TTLL12: variants seen among roughly 807,000 people sequenced by gnomAD.
TTLL12 encodes tubulin tyrosine ligase like 12, also known as tubulin--tyrosine ligase-like protein 12.
In TTLL12, 77 loss-of-function variants were observed where a neutral mutation model predicts 79.6. The ratio of observed to expected loss-of-function variants is 0.97; its 90% confidence interval spans 0.81 to 1.17. TTLL12 has a LOEUF of 1.17. Ranked by LOEUF, TTLL12 falls within the 50% of genes most tolerant of loss-of-function variation. TTLL12 has a pLI of 0.00. For synonymous variants in TTLL12, 437 were observed against 376.1 expected (o/e 1.16, Z -1.87); for missense variants, 969 against 895.9 (o/e 1.08, Z -1.04).
At chr22:43,171,648 G>T in intron 11 of TTLL12, 171 bp downstream of exon 11, 1 of 586,640 alleles carries the variant, frequency 1.7e-6, no homozygotes, top group Non-Finnish European at 3.1e-6. Context: ...ACAGAACCCA[G>T]CCTGGCTCAT....
At chr22:43,176,195 A>G in intron 6 of TTLL12, 125 bp downstream of exon 6, 2 of 711,490 alleles carry the variant, frequency 2.8e-6, no homozygotes, top group Non-Finnish European at 5.0e-6. Context: ...GTGCCCAGAC[A>G]GGATGCGGCT....
chr22:43,181,070 A>G, intron 2 of TTLL12, 130 bp from the exon 3 acceptor site: 1 of 1,069,324 alleles, frequency 9.4e-7, no homozygotes, highest in South Asian at 1.6e-5. Context: ...ACTGGGTGCC[A>G]TAGTTATGCC....
At chr22:43,174,443 C>G (rs201841129) in intron 7 of TTLL12, 40 bp from the exon 8 acceptor site, 1 of 1,566,386 alleles carries the variant, frequency 6.4e-7, no homozygotes. Flanking sequence ...AAGGGGAGGC[C>G]GGCAGTGCCT....
intron 1 of TTLL12, among the ~76,000 whole-genome samples, chr22:43,184,110 G>A (rs528068214): frequency 6.6e-6 from 1 of 152,234 alleles, no homozygotes; most frequent in East Asian, 1.9e-4. Context: ...GTGAGAGGGG[G>A]TGTCATCCAC....
At chr22:43,180,645 C>T in intron 3 of TTLL12, 97 bp downstream of exon 3, 4 of 1,376,466 alleles carry the variant, frequency 2.9e-6, no homozygotes, top group Non-Finnish European at 4.0e-6. Context: ...GAGTTGCTTG[C>T]TCTGGCCGGC....
At chr22:43,175,363 C>T (rs1284425609) in intron 6 of TTLL12, 2 of 152,304 alleles carry the variant, frequency 1.3e-5, no homozygotes, top group Non-Finnish European at 2.9e-5. Flanking sequence ...GGGAGGGGCC[C>T]CTACTGGCAG....
At chr22:43,172,714 T>C (rs1408782928) in intron 9 of TTLL12, among the ~76,000 whole-genome samples, 160 bp from the exon 10 acceptor site, 1 of 152,018 alleles carries the variant, frequency 6.6e-6, no homozygotes, top group Non-Finnish European at 1.5e-5. Flanking sequence ...TTTTTTTTTT[T>C]TGAGACAGAG....
intron 1 of TTLL12, among the ~76,000 whole-genome samples, chr22:43,185,298 T>C (rs959589094): frequency 6.6e-5 from 7 of 106,462 alleles, no homozygotes; most frequent in Non-Finnish European, 1.2e-4. Context: ...TATATATATA[T>C]ATGTATGTAT....
Position 43,174,202 on chromosome 22 carries a change from G to A in TTLL12, c.1229+7C>T, listed in dbSNP as rs368262313. ...TGGAGCACACCGATGCCGTGTCTGGGACTTACCACCTTTCCCGCTGCTGGA... is the reference window on the plus strand; with the variant it reads ...TGGAGCACACCGATGCCGTGTCTGGAACTTACCACCTTTCCCGCTGCTGGA... On this transcript the variant is annotated splice_region_variant and intron_variant, in intron 8 of 13. Transcript: ENST00000216129. 4 of 1,600,106 alleles carry A rather than the reference G, an allele frequency of 2.5e-6. 1 individual carries two copies. In the Admixed American group the frequency reaches 5.0e-5, roughly 20 times the overall value.
Position 43,180,825 on chromosome 22 carries a change from C to T in TTLL12, c.463G>A (p.Gly155Ser), listed in dbSNP as rs138301138. 4.8e-5 allele frequency: 77 copies of T among 1,613,176 alleles called. No homozygotes were observed. The highest frequency in any genetic ancestry group is 1.1e-4 in the East Asian group (5 of 44,886). The change falls in exon 3 of 14, where the codon GGT (glycine) becomes AGT (serine). Residue 155 changes from glycine to serine, a missense_variant. Transcript: ENST00000216129. ...ACAGCCTCTGTACTGGGCAGCTCACCGTGGAACTCAATGCCCATCAGGTTG... is the reference window on the plus strand; with the variant it reads ...ACAGCCTCTGTACTGGGCAGCTCACTGTGGAACTCAATGCCCATCAGGTTG... ...MANLMGIEFH[G>S]ELPSTEAVAL...
At chr22:43,182,233 C>T (rs1465329253) in intron 2 of TTLL12, among the ~76,000 whole-genome samples, 1 of 152,238 alleles carries the variant, frequency 6.6e-6, no homozygotes, top group Admixed American at 6.5e-5. Context: ...CACAGGAGAA[C>T]TCACTTCACT....
At position 43,167,700 on chromosome 22, in the gene TTLL12, G is replaced by A. The variant is rs2147064446; in HGVS notation, c.*308C>T. On this transcript the variant is annotated 3_prime_UTR_variant, in exon 14 of 14. Coordinates refer to ENST00000216129, the MANE Select transcript of TTLL12 (RefSeq NM_015140.4). ...AGCCAGGAACAAATTCTCCATGCCAGGAACAAAGCCCTTGGCTAAACTGGA... is the reference window on the plus strand; with the variant it reads ...AGCCAGGAACAAATTCTCCATGCCAAGAACAAAGCCCTTGGCTAAACTGGA... The A allele has an allele frequency of 7.7e-6, 2 of 258,698 alleles. No individual in the cohort carries two copies. Among genetic ancestry groups the A allele is most frequent in the East Asian group, 1.7e-4 (2 of 11,786 alleles). The allele number at this position is 258,698 out of a possible 1,614,324, so 16.0% of individuals were successfully genotyped here. A position where few individuals can be genotyped will look rare whatever the true frequency, so the allele number is the denominator to read the frequency against.
At chr22:43,183,930 T>A (rs1178257737) in intron 1 of TTLL12, among the ~76,000 whole-genome samples, 1 of 152,234 alleles carries the variant, frequency 6.6e-6, no homozygotes, top group Admixed American at 6.5e-5. Context: ...TACTTAACTA[T>A]CCCATGCGTG....
chr22:43,176,904 G>T (rs75441074), intron 5 of TTLL12, among the ~76,000 whole-genome samples: 2 of 151,858 alleles, frequency 1.3e-5, no homozygotes, highest in African/African-American at 2.4e-5. Flanking sequence ...CTCGGATGCC[G>T]AACAGTCCTA....
In TTLL12 at chr22:43,172,391, C is replaced by A; in HGVS notation, c.1493+12G>T. 6.2e-7 allele frequency: 1 copy of A among 1,613,760 alleles called. No homozygotes were observed. Among genetic ancestry groups the A allele is most frequent in the African/African-American group, 1.3e-5 (1 of 75,060 alleles). On this transcript the variant is annotated intron_variant, in intron 10 of 13. Transcript: ENST00000216129. The stretch of plus-strand genomic sequence containing the variant: ...GCTCCCCGACCCTGGACCCAGCCGG[C>A]CCTCCACTTACCGGTTGGAGAACCG...
rs1024846750 is a variant in TTLL12, at chr22:43,168,112, C to T, written c.1831G>A (p.Asp611Asn). The T allele has an allele frequency of 4.3e-6, 7 of 1,614,008 alleles. No homozygotes were observed. Among genetic ancestry groups the T allele is most frequent in the East Asian group, 4.5e-5 (2 of 44,896 alleles). The change falls in exon 14 of 14, where the codon GAC (aspartate) becomes AAC (asparagine). Residue 611 changes from aspartate to asparagine, a missense_variant. By Grantham distance (23) the Asp-to-Asn change is conservative (BLOSUM62 1). Coordinates refer to ENST00000216129, the MANE Select transcript of TTLL12 (RefSeq NM_015140.4). ...TGGTACCTGCAGGCTCGCTCACAGT[C>T]GGGGTTGAAGTTCACCTCCAGGATC... ...PQILEVNFNP[D>N]CERACRYHPT...
At chr22:43,168,658 T>C (rs2147065118) in intron 13 of TTLL12, 116 bp downstream of exon 13, 1 of 1,422,460 alleles carries the variant, frequency 7.0e-7, no homozygotes, top group Non-Finnish European at 9.5e-7. Context: ...CCCAGATTCC[T>C]GGCTGATTCA....
At chr22:43,174,018 GGA>G (rs975856227) in intron 8 of TTLL12, among the ~76,000 whole-genome samples, 189 bp downstream of exon 8, 2 of 152,134 alleles carry the variant, frequency 1.3e-5, no homozygotes, top group Admixed American at 1.3e-4. Context: ...GCGCTGCGGT[GGA>G]GAGGACAGCC....
At chr22:43,174,441 G>A (rs1555980170) in intron 7 of TTLL12, 38 bp from the exon 8 acceptor site, 1 of 1,565,952 alleles carries the variant, frequency 6.4e-7, no homozygotes, top group East Asian at 2.3e-5. Flanking sequence ...TCAAGGGGAG[G>A]CCGGCAGTGC....
Sources: allele counts gnomAD v4.1 joint callset (sites outside exome capture counted in the v4.1 genomes callset), GRCh38; gene constraint gnomAD v4.1.1; transcripts MANE v1.5; gene names NCBI Gene and HGNC (gene_info 2026-07-23, HGNC 2026-07-21).